The following RIN2 variants were observed in gnomAD, a reference collection of about 807,000 sequenced individuals.
The protein encoded by RIN2 is RAB5 interacting protein 2.
A neutral mutation model predicts 78.0 loss-of-function variants in RIN2; 36 were observed. The observed-to-expected ratio is 0.46, with a 90% CI of 0.35 to 0.61. The LOEUF (loss-of-function observed/expected upper bound fraction) is 0.61, where lower values mean the gene tolerates loss of function less well. RIN2 is among the 20% of genes least tolerant of loss of function. The pLI is 0.00. For synonymous variants in RIN2, 466 were observed against 466.8 expected, an observed-to-expected ratio of 1.00 and a Z score of 0.02; for missense variants, 1,087 against 1,159.7, an observed-to-expected ratio of 0.94 and a Z score of 0.91.
chr20:19,943,975 CTTTTTTTTTTTTTTTTT>C (rs58524523), intron 4 of RIN2, among the ~76,000 whole-genome samples: 1 of 95,880 alleles, frequency 1.0e-5, no homozygotes, highest in Non-Finnish European at 2.0e-5. Context: ...TTTCAATATC[CTTTTTTTTTTTTTTTTT>C]TTTTTTTTTT....
intron 3 of RIN2, among the ~76,000 whole-genome samples, chr20:19,929,217 G>A (rs1356171577): frequency 1.3e-5 from 2 of 152,226 alleles, no homozygotes; most frequent in African/African-American, 4.8e-5. Flanking sequence ...TGTTTAGACA[G>A]CCCCTCCCCA....
intron 6 of RIN2, among the ~76,000 whole-genome samples, chr20:19,964,092 G>A (rs2041857361): frequency 6.6e-6 from 1 of 151,970 alleles, no homozygotes; most frequent in Non-Finnish European, 1.5e-5. Context: ...TCAAACTCCT[G>A]ACCTCAGGTA....
At chr20:19,933,086 T>C (rs933628055) in intron 3 of RIN2, among the ~76,000 whole-genome samples, 2 of 152,202 alleles carry the variant, frequency 1.3e-5, no homozygotes, top group Non-Finnish European at 2.9e-5. Context: ...AGCTGCATCA[T>C]CTCTTGCCTA....
At chr20:19,767,316 C>T (rs1236099040) in intron 1 of RIN2, among the ~76,000 whole-genome samples, 1 of 152,218 alleles carries the variant, frequency 6.6e-6, no homozygotes, top group African/African-American at 2.4e-5. Flanking sequence ...AGCTGACCCT[C>T]TCCGGAATGC....
intron 2 of RIN2, among the ~76,000 whole-genome samples, chr20:19,858,125 TA>T (rs370595938): frequency 1.1e-4 from 16 of 151,286 alleles, no homozygotes; most frequent in African/African-American, 2.7e-4. Context: ...TGTCTTTTTT[TA>T]AAAAAAAATA....
At chr20:19,799,903 TC>T (rs1293844670) in intron 2 of RIN2, among the ~76,000 whole-genome samples, 156 bp downstream of exon 2, 1 of 152,138 alleles carries the variant, frequency 6.6e-6, no homozygotes, top group East Asian at 1.9e-4. Context: ...GAGGATGTTT[TC>T]CAGCTGCCTG....
chr20:19,839,706 C>A (rs1460694720), intron 2 of RIN2, among the ~76,000 whole-genome samples: 4 of 152,142 alleles, frequency 2.6e-5, no homozygotes, highest in African/African-American at 9.7e-5. Context: ...AACCCTGTAC[C>A]CCTTCCCTCT....
chr20:19,878,433 TGTAACAAAC>T (rs2123418599), intron 2 of RIN2, among the ~76,000 whole-genome samples: 1 of 152,152 alleles, frequency 6.6e-6, no homozygotes, highest in East Asian at 1.9e-4. Flanking sequence ...GGAGAAGAGG[TGTAACAAAC>T]CAGGGTCACC....
intron 5 of RIN2, among the ~76,000 whole-genome samples, chr20:19,957,898 G>T (rs1284598767): frequency 6.6e-6 from 1 of 152,188 alleles, no homozygotes; most frequent in Non-Finnish European, 1.5e-5. Context: ...AGTTATAGTG[G>T]ACGGCATTTG....
At chr20:19,984,438 T>C (rs2042563752) in intron 9 of RIN2, among the ~76,000 whole-genome samples, 1 of 152,094 alleles carries the variant, frequency 6.6e-6, no homozygotes, top group Non-Finnish European at 1.5e-5. Flanking sequence ...TAAACACGTC[T>C]AAACACAGGA....
intron 2 of RIN2, among the ~76,000 whole-genome samples, chr20:19,829,903 C>T (rs111604888): frequency 6.6e-6 from 1 of 152,220 alleles, no homozygotes; most frequent in African/African-American, 2.4e-5. Context: ...TCACTCAGTT[C>T]CCAACAAAGC....
At chr20:19,827,844 TGTGTTCCAAAAGTACCTTTAAAAAGGTA>T (rs2036142377) in intron 2 of RIN2, among the ~76,000 whole-genome samples, 3 of 151,702 alleles carry the variant, frequency 2.0e-5, no homozygotes, top group Admixed American at 6.6e-5. Flanking sequence ...TCAACCACAT[TGTGTTCCAAAAGTACCTTTAAAAAGGTA>T]TTTTATGGTT....
intron 4 of RIN2, among the ~76,000 whole-genome samples, chr20:19,936,497 A>G (rs2040650274): frequency 6.6e-6 from 1 of 152,194 alleles, no homozygotes; most frequent in Non-Finnish European, 1.5e-5. Context: ...CTTTGGTAGC[A>G]CTGATTTCTT....
chr20:19,885,462 T>C (rs956553158), intron 2 of RIN2, among the ~76,000 whole-genome samples: 3 of 151,928 alleles, frequency 2.0e-5, no homozygotes, highest in African/African-American at 7.3e-5. Context: ...GGTCAGGAGT[T>C]CAAGACCAGC....
intron 1 of RIN2, 115 bp downstream of exon 1, chr20:19,758,442 G>C (rs1191949169): frequency 1.3e-5 from 2 of 152,288 alleles, no homozygotes; most frequent in African/African-American, 2.4e-5. Context: ...GCTGCTGTGC[G>C]CACTCTCTCC....
chr20:19,882,261 A>G (rs1275268642), intron 2 of RIN2, among the ~76,000 whole-genome samples: 2 of 152,222 alleles, frequency 1.3e-5, no homozygotes, highest in African/African-American at 2.4e-5. Flanking sequence ...GAAAACAGCC[A>G]ACACCTCACA....
intron 1 of RIN2, among the ~76,000 whole-genome samples, chr20:19,761,706 A>G (rs1283065211): frequency 6.6e-6 from 1 of 152,210 alleles, no homozygotes; most frequent in East Asian, 1.9e-4. Flanking sequence ...CACCCTTGTC[A>G]ATTTAGAGTG....
intron 12 of RIN2, among the ~76,000 whole-genome samples, chr20:19,999,101 T>C (rs1362159850): frequency 6.6e-6 from 1 of 151,654 alleles, no homozygotes; most frequent in Non-Finnish European, 1.5e-5. Context: ...AACCCCTAAA[T>C]CAGAGGCCAC....
In RIN2 at chr20:19,912,875, G is replaced by A. The variant is rs1199958868; in HGVS notation, c.58-22224G>A. ...TCACTAGGAAATGGAAAACCCCGGG[G>A]TGTGGGAAAGGCACAGCTGAGGAAG... On this transcript the variant is annotated intron_variant, in intron 3 of 12. Transcript: ENST00000255006. Among the ~76,000 whole-genome samples, 4 of 152,228 alleles carry A rather than the reference G, an allele frequency of 2.6e-5. No homozygotes were observed. In the East Asian group the frequency reaches 7.7e-4, roughly 29 times the overall value.
Sources: allele counts gnomAD v4.1 joint callset (sites outside exome capture counted in the v4.1 genomes callset), GRCh38; gene constraint gnomAD v4.1.1; transcripts MANE v1.5; gene names NCBI Gene and HGNC (gene_info 2026-07-23, HGNC 2026-07-21).